The following PTPN12 variants were observed in gnomAD, a reference collection of about 807,000 sequenced individuals.
PTPN12 encodes the protein protein tyrosine phosphatase non-receptor type 12.
PTPN12 carries 29 observed loss-of-function variants against 97.6 expected under a neutral mutation model. That is an observed-to-expected ratio of 0.30 (90% CI 0.22 to 0.41). PTPN12 has a LOEUF of 0.41. Ranked by LOEUF, PTPN12 falls within the 10% of genes least tolerant of loss-of-function variation. PTPN12 has a pLI of 1.00. For synonymous variants in PTPN12, 327 were observed against 300.4 expected (o/e 1.09, Z -0.91); for missense variants, 819 against 926.0 (o/e 0.88, Z 1.50).
chr7:77,627,690 T>G lies in PTPN12; in HGVS notation c.1996+15T>G. On this transcript the variant is annotated intron_variant, in intron 13 of 17. Transcript: ENST00000248594. ...TGCTGAAAAAGGTAATAATATAGTG[T>G]CAAATACTTAAATGTCTTTCCTATG... 3.3e-6 allele frequency: 5 copies of G among 1,531,330 alleles called. No homozygotes were observed. Among genetic ancestry groups the G allele is most frequent in the Admixed American group, 2.1e-5 (1 of 48,188 alleles). The allele number at this position is 1,531,330 out of a possible 1,614,324, so 94.9% of individuals were successfully genotyped here.
rs1190946018 is a variant in PTPN12, at chr7:77,626,884, C to T, written c.1205C>T (p.Ser402Leu). 1.9e-6 allele frequency: 3 copies of T among 1,612,540 alleles called. No homozygotes were observed. The highest frequency in any genetic ancestry group is 1.1e-5 in the South Asian group (1 of 90,996). Residue 402 changes from serine to leucine, a missense_variant, in exon 13 of 18, where the codon TCA becomes TTA. Physicochemically the swap from Ser to Leu is moderately radical, Grantham distance 145 (BLOSUM62 -2). Transcript: ENST00000248594. ...CATATGGTTTCATCAGAACAACATT[C>T]AGCAGACCTCAACAGAAACTATAGT... ...VLHMVSSEQH[S>L]ADLNRNYSKS...
At chr7:77,571,983 G>A (rs1464349018) in intron 2 of PTPN12, among the ~76,000 whole-genome samples, 1 of 151,832 alleles carries the variant, frequency 6.6e-6, no homozygotes, top group Non-Finnish European at 1.5e-5. Context: ...AGCTGCCGTC[G>A]TTTTTCTTTC....
intron 5 of PTPN12, among the ~76,000 whole-genome samples, chr7:77,588,898 A>C (rs374798882): frequency 6.6e-6 from 1 of 152,154 alleles, no homozygotes; most frequent in Non-Finnish European, 1.5e-5. Flanking sequence ...TGTGAGACAG[A>C]ATCCTGCTGT....
chr7:77,596,734 C>T (rs915077248), intron 6 of PTPN12, among the ~76,000 whole-genome samples: 18 of 152,180 alleles, frequency 1.2e-4, no homozygotes, highest in African/African-American at 4.3e-4. Context: ...TTTTTTAGAG[C>T]AGTTTTAGGT....
At chr7:77,612,842 C>T (rs1477393259) in intron 11 of PTPN12, among the ~76,000 whole-genome samples, 4 of 149,284 alleles carry the variant, frequency 2.7e-5, no homozygotes, top group Non-Finnish European at 5.9e-5. Context: ...GGCTGGAGTG[C>T]AGTGGCGCAA....
chr7:77,633,597 A>G (rs1400208843), intron 14 of PTPN12, among the ~76,000 whole-genome samples: 1 of 151,908 alleles, frequency 6.6e-6, no homozygotes, highest in Non-Finnish European at 1.5e-5. Flanking sequence ...CAACAGAGCA[A>G]GACTCCATCT....
chr7:77,586,885 G>A (rs751276604), intron 5 of PTPN12, among the ~76,000 whole-genome samples: 1 of 152,026 alleles, frequency 6.6e-6, no homozygotes, highest in African/African-American at 2.4e-5. Flanking sequence ...TTTCTTATCC[G>A]TAAGAAGCAA....
At chr7:77,615,014 C>G (rs17155601) in intron 11 of PTPN12, among the ~76,000 whole-genome samples, 28,032 of 152,022 alleles carry the variant, frequency 0.18, 3,060 homozygotes, top group African/African-American at 0.3. Context: ...AGTGAGAGAT[C>G]TAAAGAGAAA....
rs765782314 is a variant in PTPN12 at position 77,581,463 on chromosome 7, C to T, written c.245C>T (p.Pro82Leu). The change falls in exon 3 of 18, where the codon CCT (proline) becomes CTT (leucine). Residue 82 changes from proline (P) to leucine (L), a missense_variant. Coordinates refer to ENST00000248594, the MANE Select transcript of PTPN12 (RefSeq NM_002835.4). ...HSRVKLTLKTPSQDSDYINAN... is the reference protein window; with the variant it reads ...HSRVKLTLKTLSQDSDYINAN... ...CGAGTTAAATTGACATTAAAGACTC[C>T]TTCACAAGATTCAGACTATATCAAT... 6.2e-7 allele frequency: 1 copy of T among 1,608,206 alleles called. No homozygotes were observed. The highest frequency in any genetic ancestry group is 1.7e-5 in the Admixed American group (1 of 59,342).
intron 1 of PTPN12, among the ~76,000 whole-genome samples, chr7:77,567,926 T>G (rs1194510943): frequency 6.6e-6 from 1 of 152,222 alleles, no homozygotes; most frequent in Non-Finnish European, 1.5e-5. Context: ...GTCACACAGC[T>G]AAGAAAGTAC....
At chr7:77,634,423 T>A (rs939387502) in intron 14 of PTPN12, among the ~76,000 whole-genome samples, 4 of 152,060 alleles carry the variant, frequency 2.6e-5, no homozygotes, top group African/African-American at 9.7e-5. Flanking sequence ...TTGGTTTTCT[T>A]TTTATTTATT....
chr7:77,571,146 A>G lies in PTPN12; in HGVS notation c.168A>G (p.Glu56=). 6.2e-7 allele frequency: 1 copy of G among 1,605,020 alleles called. No homozygotes were observed. Among genetic ancestry groups the G allele is most frequent in the South Asian group, 1.1e-5 (1 of 89,774 alleles). The part of the protein sequence containing the change: ...KIYPTATGEK[E]ENVKKNRYKD... ...ATCCCACAGCCACTGGAGAAAAAGA[A>G]GAAAATGTTAAAAAGAACAGATACA... is the stretch of plus-strand genomic sequence containing the variant. Residue 56 remains glutamate, a synonymous_variant, in exon 2 of 18, where the codon GAA becomes GAG. Coordinates refer to ENST00000248594, the MANE Select transcript of PTPN12 (RefSeq NM_002835.4).
At chr7:77,556,063 GTTT>G (rs1807697891) in intron 1 of PTPN12, among the ~76,000 whole-genome samples, 1 of 151,722 alleles carries the variant, frequency 6.6e-6, no homozygotes, top group Non-Finnish European at 1.5e-5. Context: ...TTGTTTGTTT[GTTT>G]GTTTGTTTGT....
intron 4 of PTPN12, 180 bp from the exon 5 acceptor site, chr7:77,585,363 T>G (rs937121092): frequency 3.8e-6 from 2 of 520,834 alleles, no homozygotes; most frequent in Admixed American, 7.2e-5. Context: ...AGTTAGCCCT[T>G]GTTTGGAAAG....
intron 8 of PTPN12, among the ~76,000 whole-genome samples, chr7:77,602,748 C>T (rs1469116049): frequency 1.3e-5 from 2 of 152,080 alleles, no homozygotes; most frequent in Non-Finnish European, 2.9e-5. Context: ...AATCCTTAGA[C>T]AGTTTTTCTA....
chr7:77,571,207 A>G (rs1787113501), intron 2 of PTPN12, 21 bp downstream of exon 2: 1 of 1,426,318 alleles, frequency 7.0e-7, no homozygotes, highest in African/African-American at 1.4e-5. Flanking sequence ...AATGCCCTTG[A>G]TAAAATACAT....
chr7:77,557,928 C>T (rs1807795232), intron 1 of PTPN12, among the ~76,000 whole-genome samples: 2 of 151,950 alleles, frequency 1.3e-5, no homozygotes, highest in South Asian at 2.1e-4. Flanking sequence ...TTGAGAATAG[C>T]GGCCGGGCGT....
intron 2 of PTPN12, among the ~76,000 whole-genome samples, chr7:77,574,673 C>T (rs566556895): frequency 9.9e-5 from 15 of 152,240 alleles, no homozygotes; most frequent in Admixed American, 7.2e-4. Flanking sequence ...AAAGACTTCT[C>T]GCCAAAATAT....
intron 1 of PTPN12, among the ~76,000 whole-genome samples, chr7:77,544,001 A>G (rs1807108097): frequency 6.6e-6 from 1 of 152,246 alleles, no homozygotes; most frequent in Non-Finnish European, 1.5e-5. Context: ...CTGTGTGGAC[A>G]CATTTTCAGG....
Sources: gnomAD v4.1 joint callset for allele counts (sites outside exome capture counted in the v4.1 genomes callset) on GRCh38, gnomAD v4.1.1 for gene constraint, MANE v1.5 for transcripts, NCBI Gene and HGNC (gene_info 2026-07-23, HGNC 2026-07-21) for gene names.